USP26: variants seen among roughly 807,000 people sequenced by gnomAD.
The protein encoded by USP26 is ubiquitin specific peptidase 26, also known as ubiquitin carboxyl-terminal hydrolase 26.
For missense variants in USP26, 649 were observed against 642.3 expected, an observed-to-expected ratio of 1.01 and a Z score of -0.11; for synonymous variants, 236 against 240.6, an observed-to-expected ratio of 0.98 and a Z score of 0.18.
chrX:133,025,560 C>A lies in USP26; in HGVS notation c.2661G>T (p.Glu887Asp). 1.7e-6 allele frequency: 2 copies of A among 1,211,346 alleles called. No individual in the cohort carries two copies. Among genetic ancestry groups the A allele is most frequent in the Non-Finnish European group, 1.1e-6 (1 of 895,434 alleles). The change falls in exon 6 of 6, where the codon GAG (glutamate) becomes GAT (aspartate). Residue 887 changes from glutamate to aspartate, a missense_variant. By Grantham distance (45) the Glu-to-Asp change is conservative. Transcript: ENST00000511190. ...CTCTTTTCAACATCTCTTCAAAGAT[C>A]TCATTATGCATGTAAAAGAAGATGT... ...TGYIFFYMHN[E>D]IFEEMLKREE...
chrX:133,072,991 G>T (rs1411376993), intron 5 of USP26, among the ~76,000 whole-genome samples: 3 of 111,953 alleles, frequency 2.7e-5, no homozygotes, highest in Non-Finnish European at 3.8e-5. Flanking sequence ...AGCATTTATT[G>T]CATTTTTTCG....
intron 5 of USP26, among the ~76,000 whole-genome samples, chrX:133,046,483 G>C (rs1282537694): frequency 9.0e-6 from 1 of 111,603 alleles, no homozygotes; most frequent in Non-Finnish European, 1.9e-5. Context: ...CTTGTCCTGA[G>C]ATATCCTTAA....
chrX:133,091,756 G>T (rs995894561), intron 1 of USP26, among the ~76,000 whole-genome samples: 1 of 111,565 alleles, frequency 9.0e-6, no homozygotes, highest in Non-Finnish European at 1.9e-5. Flanking sequence ...ACAGGGGACA[G>T]GAGGAGGGGG....
chrX:133,074,614 C>T (rs1401079964), intron 5 of USP26, among the ~76,000 whole-genome samples: 1 of 112,310 alleles, frequency 8.9e-6, no homozygotes, highest in Non-Finnish European at 1.9e-5. Context: ...ACCATGTGTA[C>T]ATGTATGTGC....
intron 5 of USP26, among the ~76,000 whole-genome samples, chrX:133,063,034 A>G (rs1435635140): frequency 9.0e-6 from 1 of 111,456 alleles, no homozygotes; most frequent in African/African-American, 3.3e-5. Flanking sequence ...AAGAACAAAA[A>G]TGACCTGATG....
At chrX:133,061,179 A>G (rs975484500) in intron 5 of USP26, among the ~76,000 whole-genome samples, 1 of 111,858 alleles carries the variant, frequency 8.9e-6, no homozygotes, top group Non-Finnish European at 1.9e-5. Context: ...AAAAAGAAAG[A>G]CTATAACAGG....
chrX:133,075,827 G>A (rs1051655930), intron 5 of USP26, among the ~76,000 whole-genome samples: 17 of 111,736 alleles, frequency 1.5e-4, no homozygotes, highest in African/African-American at 5.2e-4. Context: ...ATTAGAAGAA[G>A]AGAAAATCCT....
chrX:133,091,717 A>C (rs2067608290), intron 1 of USP26, among the ~76,000 whole-genome samples: 1 of 111,432 alleles, frequency 9.0e-6, no homozygotes, highest in African/African-American at 3.3e-5. Flanking sequence ...AACTCTAGGA[A>C]GGGGTTTCAA....
chrX:133,044,397 C>T (rs994090181), intron 5 of USP26, among the ~76,000 whole-genome samples: 13 of 113,065 alleles, frequency 1.1e-4, no homozygotes, highest in Non-Finnish European at 2.4e-4. Context: ...GGGCGGGAAC[C>T]GGGGCTGCAC....
intron 5 of USP26, among the ~76,000 whole-genome samples, chrX:133,038,110 C>A (rs749671307): frequency 1.6e-4 from 18 of 111,689 alleles, no homozygotes; most frequent in South Asian, 7.5e-4. Flanking sequence ...TGTCTGCAAA[C>A]AGAGACAATT....
At chrX:133,078,542 A>G (rs1334725534) in intron 5 of USP26, among the ~76,000 whole-genome samples, 1 of 112,200 alleles carries the variant, frequency 8.9e-6, no homozygotes, top group Non-Finnish European at 1.9e-5. Context: ...ACATTTCAGA[A>G]GCTTAGTCAT....
chrX:133,063,394 C>T (rs2067500218), intron 5 of USP26, among the ~76,000 whole-genome samples: 1 of 111,000 alleles, frequency 9.0e-6, no homozygotes. Context: ...CTAAGATATT[C>T]CTCAAGAAGA....
chrX:133,092,569 A>G (rs936010689), intron 1 of USP26, among the ~76,000 whole-genome samples: 1 of 112,318 alleles, frequency 8.9e-6, no homozygotes, highest in Non-Finnish European at 1.9e-5. Flanking sequence ...ATAATCCACA[A>G]AAGTTTACAG....
intron 5 of USP26, among the ~76,000 whole-genome samples, chrX:133,045,370 C>T (rs1186724923): frequency 8.9e-6 from 1 of 111,856 alleles, no homozygotes; most frequent in Non-Finnish European, 1.9e-5. Context: ...GTAAAATGGA[C>T]CAATCAGCAG....
intron 5 of USP26, among the ~76,000 whole-genome samples, chrX:133,061,676 C>G (rs1190306426): frequency 1.8e-5 from 2 of 111,973 alleles, no homozygotes; most frequent in African/African-American, 6.5e-5. Flanking sequence ...TGGGACATCA[C>G]CTCACCCAGG....
chrX:133,023,299 ATCT>A lies in USP26; in HGVS notation c.*2177_*2179del, dbSNP rs2067332344. On this transcript the variant is annotated 3_prime_UTR_variant, in exon 6 of 6. Transcript: ENST00000511190. ...CCTCCCTGTCATGGATACCCCTACC[ATCT>A]TCTTCACATTTCATTTTGCCCTGCA... 8.9e-6 allele frequency among the ~76,000 whole-genome samples: 1 copy of A among 111,918 alleles called. No individual in the cohort carries two copies. Among genetic ancestry groups the A allele is most frequent in the African/African-American group, 3.2e-5 (1 of 30,874 alleles).
chrX:133,025,298 A>G lies in USP26; in HGVS notation c.*181T>C. On this transcript the variant is annotated 3_prime_UTR_variant, in exon 6 of 6. Transcript: ENST00000511190. ...GATGCTCATCAGCCAGAGCTATGGG[A>G]TTGAGGTGTCTGTGTCAGGATTAGA... is the stretch of plus-strand genomic sequence containing the variant. The G allele has an allele frequency of 4.7e-6, 3 of 635,655 alleles. No individual in the cohort carries two copies. Among genetic ancestry groups the G allele is most frequent in the Non-Finnish European group, 7.1e-6 (3 of 423,859 alleles). 52.4% of individuals were successfully genotyped at this position (635,655 alleles called of 1,213,427 possible).
In USP26 at chrX:133,025,229, A is replaced by G. The variant is rs1387652501; in HGVS notation, c.*250T>C. On this transcript the variant is annotated 3_prime_UTR_variant, in exon 6 of 6. Coordinates refer to ENST00000511190, the MANE Select transcript of USP26 (RefSeq NM_031907.3). Reference sequence around the variant, plus strand: ...GCAAGACCCTGACTATATTAAAATGAAGAAGAACATGAAAAACACAATTTC... The same window carrying G: ...GCAAGACCCTGACTATATTAAAATGGAGAAGAACATGAAAAACACAATTTC... The G allele has an allele frequency of 2.4e-6, 1 of 412,152 alleles. No homozygotes were observed. Among genetic ancestry groups the G allele is most frequent in the East Asian group, 4.3e-5 (1 of 23,461 alleles). The allele number at this position is 412,152 out of a possible 1,213,427, so 34.0% of individuals were successfully genotyped here.
intron 5 of USP26, among the ~76,000 whole-genome samples, chrX:133,064,099 C>T (rs2067503583): frequency 8.9e-6 from 1 of 112,146 alleles, no homozygotes; most frequent in Non-Finnish European, 1.9e-5. Context: ...ATAAAACAGA[C>T]TTTGAACCAA....
Sources: gnomAD v4.1 joint callset for allele counts (sites outside exome capture counted in the v4.1 genomes callset) on GRCh38, gnomAD v4.1.1 for gene constraint, MANE v1.5 for transcripts, NCBI Gene and HGNC (gene_info 2026-07-23, HGNC 2026-07-21) for gene names.